Variants in SOX6 observed in about 807,000 individuals in gnomAD.
The protein encoded by SOX6 is transcription factor SOX-6.
In SOX6, 11 loss-of-function variants were observed where a neutral mutation model predicts 97.8. The ratio of observed to expected loss-of-function variants is 0.11; its 90% CI spans 0.07 to 0.19. The LOEUF (loss-of-function observed/expected upper bound fraction) is 0.19. Among genes scored for constraint, SOX6 ranks in the 10% least tolerant of loss-of-function variants. The probability of loss-of-function intolerance (pLI) is 1.00; values close to 1 mark genes in which losing one functional copy is unlikely to be tolerated. For synonymous variants in SOX6, 360 were observed against 371.4 expected, an observed-to-expected ratio of 0.97 and a Z score of 0.35; for missense variants, 810 against 1,039.5, an observed-to-expected ratio of 0.78 and a Z score of 3.04.
At chr11:16,537,380 A>G (rs571833642) in intron 4 of SOX6, among the ~76,000 whole-genome samples, 24 of 152,334 alleles carry the variant, frequency 1.6e-4, no homozygotes, top group African/African-American at 5.1e-4. Context: ...ATCAGAGCAG[A>G]AAAGCTGAAA....
chr11:16,275,306 TAG>T lies in SOX6; in HGVS notation c.446-40637_446-40636del, dbSNP rs1444903613. ...AATACAAAAAAAAAAAAAAAAAAAA[TAG>T]CCGGGTGTGGTGGCGGGTGCCTCTA... On this transcript the variant is annotated intron_variant, in intron 3 of 15. Transcript: ENST00000683767. 7.8e-3 allele frequency among the ~76,000 whole-genome samples: 712 copies of T among 91,392 alleles called. 3 individuals are homozygous for T. Among genetic ancestry groups the T allele is most frequent in the Admixed American group, 0.017 (155 of 8,934 alleles). 60.0% of individuals were successfully genotyped at this position (91,392 alleles called of 152,430 possible).
chr11:16,013,664 C>T (rs1039647294), intron 13 of SOX6, among the ~76,000 whole-genome samples: 7 of 144,290 alleles, frequency 4.9e-5, no homozygotes, highest in African/African-American at 1.7e-4. Context: ...CTCCCATAGA[C>T]ACATATACAT....
intron 3 of SOX6, among the ~76,000 whole-genome samples, chr11:16,678,409 T>C (rs1847901083): frequency 2.6e-5 from 4 of 152,346 alleles, no homozygotes; most frequent in Admixed American, 1.3e-4. Context: ...TATTTAGAAG[T>C]ATATTATTTA....
chr11:15,972,803 A>G lies in SOX6; in HGVS notation c.*6T>C. ...AGAGTACTTTAATTCAGCAAACAAAAACTCCTCAGTTGGCACTGACAGCCT... is the reference window on the plus strand; with the variant it reads ...AGAGTACTTTAATTCAGCAAACAAAGACTCCTCAGTTGGCACTGACAGCCT... On this transcript the variant is annotated 3_prime_UTR_variant, in exon 16 of 16. Transcript: ENST00000683767. 6.2e-7 allele frequency: 1 copy of G among 1,614,118 alleles called. No homozygotes were observed. Among genetic ancestry groups the G allele is most frequent in the Non-Finnish European group, 8.5e-7 (1 of 1,180,010 alleles).
chr11:16,436,923 A>C (rs146536590), intron 1 of SOX6, among the ~76,000 whole-genome samples: 1 of 152,148 alleles, frequency 6.6e-6, no homozygotes, highest in Non-Finnish European at 1.5e-5. Context: ...TCTGTGAACC[A>C]AGCATAAAAT....
At chr11:16,058,292 A>G (rs1380065386) in intron 9 of SOX6, among the ~76,000 whole-genome samples, 2 of 151,830 alleles carry the variant, frequency 1.3e-5, no homozygotes, top group African/African-American at 4.8e-5. Flanking sequence ...CCTGTTCTCT[A>G]TTCTGTTTGA....
chr11:16,495,146 G>T lies in SOX6; in HGVS notation n.610-18758C>A, dbSNP rs1256931981. ...CAATCCCACCATTCCTAGCAGCAGG[G>T]CCATAGTTCATTTACAACCATCCTA... On this transcript the variant is annotated intron_variant and non_coding_transcript_variant, in intron 4 of 5. Coordinates refer to the SOX6 transcript ENST00000524520. Among the ~76,000 whole-genome samples the T allele has an allele frequency of 5.3e-5, 8 of 152,020 alleles. No homozygotes were observed. In the East Asian group the frequency reaches 1.4e-3, roughly 26 times the overall value.
chr11:16,032,943 C>T (rs1054442891), intron 12 of SOX6, among the ~76,000 whole-genome samples: 8 of 152,140 alleles, frequency 5.3e-5, no homozygotes, highest in South Asian at 2.1e-4. Context: ...TTGATCAGGA[C>T]GGCCTCCTTT....
intron 1 of SOX6, among the ~76,000 whole-genome samples, chr11:16,394,883 C>T (rs527692047): frequency 2.6e-5 from 4 of 151,564 alleles, no homozygotes; most frequent in South Asian, 4.2e-4. Context: ...TTCCCCAAAG[C>T]GAGGACACAA....
chr11:16,337,345 G>C (rs1856494566), intron 2 of SOX6, among the ~76,000 whole-genome samples: 1 of 152,112 alleles, frequency 6.6e-6, no homozygotes, highest in African/African-American at 2.4e-5. Context: ...AAGTTTATCT[G>C]TCCTTTCTAC....
chr11:16,598,180 C>T (rs746353486), intron 4 of SOX6, among the ~76,000 whole-genome samples: 8 of 151,902 alleles, frequency 5.3e-5, no homozygotes, highest in Non-Finnish European at 1.2e-4. Flanking sequence ...CAAAACAACC[C>T]TATGATATAG....
rs191218365 is a variant in SOX6, at chr11:16,623,328, A to G, written n.430-11068T>C. On this transcript the variant is annotated intron_variant and non_coding_transcript_variant, in intron 3 of 5. Transcript: ENST00000524520. ...GAGCCACTGTGTCCAGCTGCTGAGCATTTTTTAATATGTTTGTTGGCCATT... is the reference window on the plus strand; with the variant it reads ...GAGCCACTGTGTCCAGCTGCTGAGCGTTTTTTAATATGTTTGTTGGCCATT... Among the ~76,000 whole-genome samples the G allele has an allele frequency of 5.5e-3, 844 of 152,164 alleles. 6 individuals carry two copies. Among genetic ancestry groups the G allele is most frequent in the Non-Finnish European group, 8.9e-3 (607 of 67,994 alleles).
At chr11:16,268,366 C>A (rs1162744138) in intron 3 of SOX6, among the ~76,000 whole-genome samples, 3 of 150,968 alleles carry the variant, frequency 2.0e-5, no homozygotes, top group Non-Finnish European at 4.5e-5. Flanking sequence ...GGATAAAAAG[C>A]AAAACTCATA....
intron 4 of SOX6, among the ~76,000 whole-genome samples, chr11:16,514,476 A>T (rs1030560111): frequency 2.0e-5 from 3 of 152,168 alleles, no homozygotes; most frequent in Non-Finnish European, 4.4e-5. Flanking sequence ...TGTCACTAAT[A>T]TTATGGTTTC....
At chr11:16,502,460 T>G (rs1458168925) in intron 4 of SOX6, among the ~76,000 whole-genome samples, 1 of 95,912 alleles carries the variant, frequency 1.0e-5, no homozygotes, top group Non-Finnish European at 2.2e-5. Context: ...TTAAGTATAA[T>G]AATAAAAAAA....
intron 1 of SOX6, among the ~76,000 whole-genome samples, chr11:16,449,936 A>G (rs960556578): frequency 5.9e-5 from 9 of 152,202 alleles, no homozygotes; most frequent in African/African-American, 1.9e-4. Context: ...CAGTTGCTAA[A>G]TACTATAGCA....
At chr11:16,582,969 A>C (rs1368565847) in intron 4 of SOX6, among the ~76,000 whole-genome samples, 1 of 152,098 alleles carries the variant, frequency 6.6e-6, no homozygotes, top group Non-Finnish European at 1.5e-5. Context: ...CTACTATCAA[A>C]ACCCTTATAA....
chr11:16,535,552 G>A (rs186527011), intron 4 of SOX6, among the ~76,000 whole-genome samples: 2 of 152,136 alleles, frequency 1.3e-5, no homozygotes, highest in African/African-American at 4.8e-5. Flanking sequence ...CATGCCTGTA[G>A]TCCCAGCTAC....
At chr11:16,165,935 C>T (rs1850877925) in intron 6 of SOX6, among the ~76,000 whole-genome samples, 1 of 151,564 alleles carries the variant, frequency 6.6e-6, no homozygotes, top group Admixed American at 6.6e-5. Flanking sequence ...AAATACATAG[C>T]ATTTAAGGAG....
Sources: allele counts gnomAD v4.1 joint callset (sites outside exome capture counted in the v4.1 genomes callset), GRCh38; gene constraint gnomAD v4.1.1; transcripts MANE v1.5; gene names NCBI Gene and HGNC (gene_info 2026-07-23, HGNC 2026-07-21).